The following OGDH variants were observed in gnomAD, a reference collection of about 807,000 sequenced individuals.
OGDH encodes the protein oxoglutarate dehydrogenase, also known as 2-oxoglutarate dehydrogenase complex component E1.
Under a neutral mutation model 116.6 loss-of-function variants are expected in OGDH, and 38 were observed. The observed-to-expected ratio is 0.33, with a 90% CI of 0.25 to 0.43. OGDH has a LOEUF of 0.43. Among genes scored for constraint, OGDH ranks in the 20% least tolerant of loss-of-function variants. The pLI is 1.00. For synonymous variants in OGDH, 488 were observed against 533.3 expected, an observed-to-expected ratio of 0.92 and a Z score of 1.17; for missense variants, 825 against 1,357.2, an observed-to-expected ratio of 0.61 and a Z score of 6.16.
intron 5 of OGDH, among the ~76,000 whole-genome samples, chr7:44,667,333 G>T (rs921775741): frequency 1.3e-5 from 2 of 152,182 alleles, no homozygotes; most frequent in African/African-American, 4.8e-5. Context: ...ATCAGCCATA[G>T]AGAGGGGAAG....
intron 1 of OGDH, among the ~76,000 whole-genome samples, chr7:44,607,141 G>T (rs921632772): frequency 2.6e-5 from 4 of 152,222 alleles, no homozygotes; most frequent in Admixed American, 1.3e-4. Context: ...AGTGTGGCCT[G>T]CTCGAGTTGC....
intron 9 of OGDH, among the ~76,000 whole-genome samples, chr7:44,677,028 C>A (rs982262623): frequency 6.6e-6 from 1 of 152,110 alleles, no homozygotes; most frequent in East Asian, 1.9e-4. Flanking sequence ...GGTTGACTCG[C>A]CTGCCTGCTT....
chr7:44,613,417 G>A (rs1337919085), intron 1 of OGDH, among the ~76,000 whole-genome samples: 1 of 152,160 alleles, frequency 6.6e-6, no homozygotes, highest in Admixed American at 6.6e-5. Flanking sequence ...CTGGAGTGCA[G>A]TGATGCGATC....
intron 8 of OGDH, among the ~76,000 whole-genome samples, chr7:44,675,667 C>T (rs1787660116): frequency 6.6e-6 from 1 of 152,034 alleles, no homozygotes. Flanking sequence ...CACGTGAGGT[C>T]GAGAGTTTGA....
At chr7:44,669,072 C>T (rs1787310458) in intron 5 of OGDH, among the ~76,000 whole-genome samples, 1 of 151,584 alleles carries the variant, frequency 6.6e-6, no homozygotes, top group African/African-American at 2.4e-5. Context: ...CTGGTGATAC[C>T]AGCCTGTGCT....
chr7:44,628,576 C>T (rs1456935516), intron 2 of OGDH, among the ~76,000 whole-genome samples: 2 of 150,814 alleles, frequency 1.3e-5, no homozygotes, highest in Non-Finnish European at 2.9e-5. Context: ...AAGGCAAGGC[C>T]TTGTCTCTAT....
At chr7:44,623,945 A>C (rs1290672098) in intron 1 of OGDH, among the ~76,000 whole-genome samples, 2 of 151,826 alleles carry the variant, frequency 1.3e-5, no homozygotes, top group Non-Finnish European at 2.9e-5. Context: ...AGTCTGGCCT[A>C]GATTTAAATT....
At position 44,697,362 on chromosome 7, in the gene OGDH, T is replaced by C. The variant is rs1788632741; in HGVS notation, c.2052-8T>C. 1 of 1,614,198 alleles carries C rather than the reference T, an allele frequency of 6.2e-7. No homozygotes were observed. The highest frequency in any genetic ancestry group is 8.5e-7 in the Non-Finnish European group (1 of 1,180,030). On this transcript the variant is annotated splice_region_variant and splice_polypyrimidine_tract_variant and intron_variant, in intron 15 of 22. Transcript: ENST00000222673. This position sits in a 1 kb window ranked among gnomAD's most constrained non-coding sequence, Gnocchi z 6.0. ...CTCCTAATTATTACCTCTGTTGTCC[T>C]GTCTCAGCCACCGCCACCATGTGCT...
intron 18 of OGDH, among the ~76,000 whole-genome samples, chr7:44,699,340 G>T (rs1316818766): frequency 1.3e-5 from 2 of 148,768 alleles, no homozygotes; most frequent in Non-Finnish European, 3.0e-5. Flanking sequence ...GCAGAGAATC[G>T]CTTGAACCCG....
At chr7:44,653,534 T>G (rs1585294687) in intron 4 of OGDH, among the ~76,000 whole-genome samples, 1 of 152,168 alleles carries the variant, frequency 6.6e-6, no homozygotes, top group Non-Finnish European at 1.5e-5. Context: ...TTTTTGTTGT[T>G]GTTTTGTTTT....
intron 20 of OGDH, among the ~76,000 whole-genome samples, chr7:44,704,071 C>T (rs117266863): frequency 3.3e-5 from 5 of 152,160 alleles, no homozygotes; most frequent in African/African-American, 1.2e-4. Context: ...TGAATATGTA[C>T]TCAGAAGTGG....
intron 9 of OGDH, 82 bp from the exon 10 acceptor site, chr7:44,681,638 C>T: frequency 6.6e-7 from 1 of 1,519,132 alleles, no homozygotes; most frequent in East Asian, 2.3e-5. Flanking sequence ...TTTTGAAAAA[C>T]AAATGATGCA....
chr7:44,607,274 A>C (rs1296875491), intron 1 of OGDH, among the ~76,000 whole-genome samples: 1 of 152,236 alleles, frequency 6.6e-6, no homozygotes. Flanking sequence ...ACCGAGATGA[A>C]GCTTATTTCT....
At chr7:44,659,161 G>A (rs1394411004) in intron 4 of OGDH, among the ~76,000 whole-genome samples, 1 of 151,732 alleles carries the variant, frequency 6.6e-6, no homozygotes, top group Non-Finnish European at 1.5e-5. Context: ...TAATGTAGAT[G>A]ATTTAATGCT....
In OGDH at chr7:44,641,114, G is replaced by A. The variant is rs1171033090; in HGVS notation, c.223-4213G>A. Among the ~76,000 whole-genome samples the A allele has an allele frequency of 3.3e-5, 5 of 150,136 alleles. No homozygotes were observed. In the South Asian group the frequency reaches 1.1e-3, roughly 32 times the overall value. On this transcript the variant is annotated intron_variant, in intron 2 of 22. Transcript: ENST00000222673. ...GACAGGGTTTCACCATGTTAGCCAG[G>A]ATGGTCTCGATCTCCTAACCTCGTG...
At chr7:44,666,950 T>G (rs1379923327) in intron 5 of OGDH, 99 bp downstream of exon 5, 3 of 710,844 alleles carry the variant, frequency 4.2e-6, no homozygotes, top group East Asian at 5.9e-5. Flanking sequence ...TGTCCTATCT[T>G]TCTATTTTAT....
At chr7:44,626,654 G>A (rs1785220034) in intron 2 of OGDH, among the ~76,000 whole-genome samples, 1 of 152,212 alleles carries the variant, frequency 6.6e-6, no homozygotes, top group Non-Finnish European at 1.5e-5. Flanking sequence ...TGTGGCCACA[G>A]TGCTGTGGAC....
chr7:44,696,957 C>T lies in OGDH; in HGVS notation c.1944C>T (p.Asn648=), dbSNP rs891127132. The change falls in exon 15 of 23, where the codon AAC becomes AAT. Residue 648 remains asparagine, a synonymous_variant. Transcript: ENST00000222673. ...ILKTRGEMVK[N]RTVDWALAEY... Reference sequence around the variant, plus strand: ...AGACTCGTGGGGAAATGGTGAAGAACCGGACTGTGGACTGGGCTCTAGCGG... The same window carrying T: ...AGACTCGTGGGGAAATGGTGAAGAATCGGACTGTGGACTGGGCTCTAGCGG... 1 of 1,613,964 alleles carries T rather than the reference C, an allele frequency of 6.2e-7. No individual in the cohort carries two copies. Among genetic ancestry groups the T allele is most frequent in the Non-Finnish European group, 8.5e-7 (1 of 1,179,964 alleles).
In OGDH at chr7:44,634,813, A is replaced by G. The variant is rs186053630; in HGVS notation, c.222+10248A>G. ...CAAGGCCTGCATTGATGGAGGGTCC[A>G]GAGTCCAGCTCTACCATCTGCACAT... On this transcript the variant is annotated intron_variant, in intron 2 of 22. Transcript: ENST00000222673. Among the ~76,000 whole-genome samples the G allele has an allele frequency of 5.3e-5, 8 of 152,334 alleles. No homozygotes were observed. The East Asian group carries it at 1.5e-3, about 29-fold the overall frequency.
Sources: gnomAD v4.1 joint callset for allele counts (sites outside exome capture counted in the v4.1 genomes callset) on GRCh38, gnomAD v4.1.1 for gene constraint, Gnocchi (gnomAD v3.1) non-coding constraint, MANE v1.5 for transcripts, NCBI Gene and HGNC (gene_info 2026-07-23, HGNC 2026-07-21) for gene names.